FHDC1: variants seen among roughly 807,000 people sequenced by gnomAD.
FHDC1 encodes FH2 domain containing 1.
A neutral mutation model predicts 52.6 loss-of-function variants in FHDC1; 25 were observed. That is an observed-to-expected ratio of 0.48 (90% CI 0.35 to 0.66). The LOEUF (loss-of-function observed/expected upper bound fraction) is 0.66, where lower values mean the gene tolerates loss of function less well. Ranked by LOEUF, FHDC1 falls within the 30% of genes least tolerant of loss-of-function variation. The probability of loss-of-function intolerance (pLI) is 0.01; values close to 1 mark genes in which losing one functional copy is unlikely to be tolerated. For synonymous variants in FHDC1, 616 were observed against 581.5 expected (o/e 1.06, Z -0.85); for missense variants, 1,459 against 1,452.8 (o/e 1.00, Z -0.07).
In FHDC1 at chr4:152,954,284, C is replaced by G; in HGVS notation, c.628C>G (p.Arg210Gly). ...TGAGCATTATGGATCAGAGACCTTG[C>G]GAGAATTTCTTAAGTTTTTGCCAGA... ...KSEHYGSETLREFLKFLPESE... is the reference protein window; with the variant it reads ...KSEHYGSETLGEFLKFLPESE... Residue 210 changes from arginine to glycine, a missense_variant, in exon 4 of 12, where the codon CGA becomes GGA. Transcript: ENST00000511601. 1 of 1,614,094 alleles carries G rather than the reference C, an allele frequency of 6.2e-7. No homozygotes were observed. Among genetic ancestry groups the G allele is most frequent in the Non-Finnish European group, 8.5e-7 (1 of 1,179,984 alleles).
Position 152,967,964 on chromosome 4 carries a change from C to T in FHDC1, c.1101-16C>T, listed in dbSNP as rs1172391229. ...TTCCTTGTTCCAACTGCCCACTCTC[C>T]CCTTTCTTCTTTTAGATTATCTCTG... On this transcript the variant is annotated splice_polypyrimidine_tract_variant and intron_variant, in intron 9 of 11. Coordinates refer to ENST00000511601, the MANE Select transcript of FHDC1 (RefSeq NM_001371116.1). 6.3e-7 allele frequency: 1 copy of T among 1,599,168 alleles called. No homozygotes were observed. Among genetic ancestry groups the T allele is most frequent in the East Asian group, 2.2e-5 (1 of 44,720 alleles).
At chr4:152,916,206 C>T in the FHDC1 span, among the ~76,000 whole-genome samples, 18 of 152,026 alleles carry the variant, frequency 1.2e-4, no homozygotes, top group African/African-American at 4.1e-4. Context: ...AAAAAAGTAG[C>T]TATATAAGAC....
Position 152,975,622 on chromosome 4 carries a change from C to T in FHDC1, c.2331C>T (p.Thr777=), listed in dbSNP as rs750993433. The change falls in exon 12 of 12, where the codon ACC becomes ACT. Residue 777 remains threonine (T), a synonymous_variant. Coordinates refer to ENST00000511601, the MANE Select transcript of FHDC1 (RefSeq NM_001371116.1). The part of the protein sequence containing the change: ...PRPLFCISDT[T]DCSLTLDCSE... ...CTCTGTTCTGCATCTCGGACACCAC[C>T]GACTGCTCACTGACCCTGGACTGCT... 6.2e-6 allele frequency: 10 copies of T among 1,613,636 alleles called. No homozygotes were observed. The highest frequency in any genetic ancestry group is 2.2e-5 in the South Asian group (2 of 91,084).
chr4:152,972,937 G>T (rs531772351), intron 11 of FHDC1, among the ~76,000 whole-genome samples: 30 of 152,308 alleles, frequency 2.0e-4, no homozygotes, highest in African/African-American at 7.0e-4. Flanking sequence ...GGAGACTTCT[G>T]TTGTGGTGGG....
At chr4:152,922,030 A>C in the FHDC1 span, among the ~76,000 whole-genome samples, 17 of 152,226 alleles carry the variant, frequency 1.1e-4, no homozygotes, top group Non-Finnish European at 2.4e-4. Context: ...AAGGAAATAG[A>C]GACACAAAAA....
In FHDC1 at chr4:152,979,220, A is replaced by G. The variant is rs1270331047; in HGVS notation, c.*2497A>G. ...CCCAAGCCTGTTTCCCATATCACAG[A>G]TGTGGGGCCATGGCCTCGATGATGG... On this transcript the variant is annotated 3_prime_UTR_variant, in exon 12 of 12. Transcript: ENST00000511601. 6.6e-6 allele frequency: 1 copy of G among 152,150 alleles called. No individual in the cohort carries two copies. The highest frequency in any genetic ancestry group is 1.5e-5 in the Non-Finnish European group (1 of 68,040). The allele number at this position is 152,150 out of a possible 1,614,324, so 9.4% of individuals were successfully genotyped here.
chr4:152,918,684 A>G, the FHDC1 span, among the ~76,000 whole-genome samples: 1 of 152,076 alleles, frequency 6.6e-6, no homozygotes, highest in Non-Finnish European at 1.5e-5. Context: ...TCAGTCCAAC[A>G]CTGAGCCACG....
At chr4:152,969,471 A>G (rs921554096) in intron 10 of FHDC1, among the ~76,000 whole-genome samples, 3 of 152,224 alleles carry the variant, frequency 2.0e-5, no homozygotes, top group African/African-American at 7.2e-5. Context: ...AAAATCAAGA[A>G]TAAGGACCAT....
At chr4:152,937,676 G>A (rs1477972247) in intron 1 of FHDC1, among the ~76,000 whole-genome samples, 1 of 151,824 alleles carries the variant, frequency 6.6e-6, no homozygotes, top group African/African-American at 2.4e-5. Context: ...CCCCGCCGCA[G>A]AGCTGGCGCG....
At chr4:152,953,706 C>A in intron 3 of FHDC1, 146 bp downstream of exon 3, 1 of 712,150 alleles carries the variant, frequency 1.4e-6, no homozygotes, top group Non-Finnish European at 2.4e-6. Flanking sequence ...AAGTGACTGT[C>A]ACTTTCTGCT....
At chr4:152,917,293 G>A in the FHDC1 span, among the ~76,000 whole-genome samples, 1 of 151,984 alleles carries the variant, frequency 6.6e-6, no homozygotes, top group South Asian at 2.1e-4. Flanking sequence ...GCTGCTTAGA[G>A]CTTTATTTAC....
intron 1 of FHDC1, among the ~76,000 whole-genome samples, chr4:152,941,593 T>C (rs370830067): frequency 1.6e-4 from 24 of 152,358 alleles, no homozygotes; most frequent in African/African-American, 5.3e-4. Flanking sequence ...ATCTTGAAAG[T>C]AGCAGAACTT....
intron 10 of FHDC1, 123 bp from the exon 11 acceptor site, chr4:152,972,254 T>C (rs1740659670): frequency 3.0e-6 from 3 of 1,003,996 alleles, no homozygotes; most frequent in Non-Finnish European, 4.2e-6. Context: ...GCAATAAACC[T>C]TCCTTTTCCA....
chr4:152,974,999 A>G lies in FHDC1; in HGVS notation c.1708A>G (p.Ser570Gly), dbSNP rs1270930622. The G allele has an allele frequency of 6.2e-7, 1 of 1,612,552 alleles. No homozygotes were observed. Among genetic ancestry groups the G allele is most frequent in the South Asian group, 1.1e-5 (1 of 91,086 alleles). Residue 570 changes from serine to glycine, a missense_variant, in exon 12 of 12, where the codon AGC becomes GGC. By Grantham distance (56) the Ser-to-Gly change is moderately conservative (BLOSUM62 0). Around this residue, in one of 3 missense-constraint regions of FHDC1, gnomAD observed 939 missense variants for 854.5 expected, o/e 1.10. Transcript: ENST00000511601. ...GSPEEPNKFHSLPRSSPRQAR... is the reference protein window; with the variant it reads ...GSPEEPNKFHGLPRSSPRQAR... ...CCCTGAGGAGCCCAATAAGTTCCAC[A>G]GCCTGCCCCGGAGCAGCCCCCGGCA...
intron 2 of FHDC1, among the ~76,000 whole-genome samples, chr4:152,944,047 T>G (rs908523): frequency 0.96 from 146,491 of 152,240 alleles, 70,737 homozygotes; most frequent in East Asian, 1. Context: ...CAAGTGTTTC[T>G]AGATGGCCTT....
chr4:152,920,378 A>G, the FHDC1 span, among the ~76,000 whole-genome samples: 5 of 152,206 alleles, frequency 3.3e-5, no homozygotes, highest in African/African-American at 1.2e-4. Flanking sequence ...GGCTAAAGGT[A>G]GAATAGTATA....
chr4:152,972,253 C>T (rs947700406), intron 10 of FHDC1, 124 bp from the exon 11 acceptor site: 2 of 987,364 alleles, frequency 2.0e-6, no homozygotes, highest in Admixed American at 6.5e-5. Context: ...TGCAATAAAC[C>T]TTCCTTTTCC....
the FHDC1 span, among the ~76,000 whole-genome samples, chr4:152,920,879 A>C: frequency 6.6e-6 from 1 of 151,886 alleles, no homozygotes; most frequent in African/African-American, 2.4e-5. Context: ...ATCTCTAGAA[A>C]GACCATTATA....
rs546657580 is a variant in FHDC1, at chr4:152,975,227, C to T, written c.1936C>T (p.Arg646Ter). 9 of 1,613,320 alleles carry T rather than the reference C, an allele frequency of 5.6e-6. No individual in the cohort carries two copies. The highest frequency in any genetic ancestry group is 4.5e-5 in the East Asian group (2 of 44,876). Residue 646 changes from arginine to a stop codon, truncating the protein, a stop_gained, in exon 12 of 12, where the codon CGA (arginine) becomes TGA (stop). Transcript: ENST00000511601. LOFTEE classifies it low-confidence loss of function (END_TRUNC). Reference protein sequence around the residue: ...RARRQGVSVLRKRYSEPVSLG... With the variant: ...RARRQGVSVL ...TCGGCGCCAGGGCGTCAGTGTCCTC[C>T]GAAAGAGGTACAGTGAGCCGGTGAG...
Sources: gnomAD v4.1 joint callset for allele counts (sites outside exome capture counted in the v4.1 genomes callset) on GRCh38, gnomAD v4.1.1 for gene constraint, gnomAD v4.1.1 regional missense constraint, MANE v1.5 for transcripts, NCBI Gene and HGNC (gene_info 2026-07-23, HGNC 2026-07-21) for gene names.